The following ZNF316 variants were observed in gnomAD, a reference collection of about 807,000 sequenced individuals.
ZNF316 encodes the protein zinc finger protein 316.
A neutral mutation model predicts 75.6 loss-of-function variants in ZNF316; 23 were observed. The observed-to-expected ratio is 0.30, with a 90% CI of 0.22 to 0.43. The LOEUF (loss-of-function observed/expected upper bound fraction) is 0.43. Ranked by LOEUF, ZNF316 falls within the 20% of genes least tolerant of loss-of-function variation. ZNF316 has a pLI of 1.00. For missense variants in ZNF316, 1,266 were observed against 1,409.4 expected (o/e 0.90, Z 1.63); for synonymous variants, 827 against 666.2 (o/e 1.24, Z -3.72).
At position 6,654,454 on chromosome 7, in the gene ZNF316, C is replaced by T. The variant is rs1432158365; in HGVS notation, c.2858C>T (p.Ala953Val). 14 of 1,198,346 alleles carry T rather than the reference C, an allele frequency of 1.2e-5. No homozygotes were observed. The highest frequency in any genetic ancestry group is 3.3e-4 in the Middle Eastern group (1 of 3,020). 74.2% of individuals were successfully genotyped at this position (1,198,346 alleles called of 1,614,324 possible). ...APGSGSAPAP[A>V]PKPEAAAKGP... ...GGCTCGGGTTCGGCCCCAGCCCCCG[C>T]GCCCAAGCCCGAGGCGGCCGCCAAG... is the stretch of plus-strand genomic sequence containing the variant. Residue 953 changes from alanine to valine, a missense_variant, in exon 9 of 9, where the codon GCG becomes GTG. Coordinates refer to ENST00000382252, the MANE Select transcript of ZNF316 (RefSeq NM_001278559.2).
chr7:6,654,626 A>G lies in ZNF316; in HGVS notation c.*15A>G. 8.5e-7 allele frequency: 1 copy of G among 1,183,384 alleles called. No homozygotes were observed. The highest frequency in any genetic ancestry group is 4.2e-5 in the South Asian group (1 of 23,906). 73.3% of individuals were successfully genotyped at this position (1,183,384 alleles called of 1,614,324 possible). On this transcript the variant is annotated 3_prime_UTR_variant, in exon 9 of 9. Transcript: ENST00000382252. Reference sequence around the variant, plus strand: ...GCGTCCTGTGAGGGGCCCGGGGCCGACAGCAGCGCAGCCTGCAGGGCCACC... The same window carrying G: ...GCGTCCTGTGAGGGGCCCGGGGCCGGCAGCAGCGCAGCCTGCAGGGCCACC...
chr7:6,650,330 G>C (rs979364885), intron 8 of ZNF316, among the ~76,000 whole-genome samples: 9 of 152,236 alleles, frequency 5.9e-5, no homozygotes, highest in African/African-American at 1.9e-4. Context: ...GTGGCAGTTC[G>C]AGGTAGACTC....
In ZNF316 at chr7:6,642,620, G is replaced by T; in HGVS notation, c.211G>T (p.Ala71Ser). 8.1e-7 allele frequency: 1 copy of T among 1,231,770 alleles called. No individual in the cohort carries two copies. The highest frequency in any genetic ancestry group is 4.2e-5 in the Admixed American group (1 of 23,788). 76.3% of individuals were successfully genotyped at this position (1,231,770 alleles called of 1,614,324 possible). Residue 71 changes from alanine (A) to serine (S), a missense_variant, in exon 5 of 9, where the codon GCG becomes TCG. This residue lies in a region of ZNF316 where 961 missense variants were observed against 990.9 expected (regional missense o/e 0.97). Transcript: ENST00000382252. This position sits in a 1 kb window ranked among gnomAD's most constrained non-coding sequence, Gnocchi z 8.1. ...AEVVQDAQVEAVAEVEVEADV... is the reference protein window; with the variant it reads ...AEVVQDAQVESVAEVEVEADV... The stretch of plus-strand genomic sequence containing the variant: ...GGTAGTGCAGGATGCGCAGGTGGAG[G>T]CGGTGGCCGAGGTGGAGGTGGAGGC...
rs1779233362 is a variant in ZNF316, at chr7:6,637,403, CG to C, written c.-473del. On this transcript the variant is annotated 5_prime_UTR_variant, in exon 1 of 9. Coordinates refer to ENST00000382252, the MANE Select transcript of ZNF316 (RefSeq NM_001278559.2). The surrounding 1 kb of genome is among the most constrained non-coding windows in gnomAD (Gnocchi z 6.2). Reference sequence around the variant, plus strand: ...GGGTCCGCCGCCGGCCCGCAGGCCCCGGCCCCGGTGTCCGGCCCGTGGCTCG... The same window carrying C: ...GGGTCCGCCGCCGGCCCGCAGGCCCCGCCCCGGTGTCCGGCCCGTGGCTCG... The C allele has an allele frequency of 6.8e-6, 1 of 147,100 alleles. No homozygotes were observed. The highest frequency in any genetic ancestry group is 1.5e-5 in the Non-Finnish European group (1 of 66,250). 9.1% of individuals were successfully genotyped at this position (147,100 alleles called of 1,614,324 possible).
At chr7:6,651,432 A>T (rs1482651474) in intron 8 of ZNF316, among the ~76,000 whole-genome samples, 1 of 152,204 alleles carries the variant, frequency 6.6e-6, no homozygotes, top group African/African-American at 2.4e-5. Flanking sequence ...AGGTGGGCAG[A>T]TCACCTGAGG....
Position 6,653,261 on chromosome 7 carries a change from G to A in ZNF316, c.1665G>A (p.Glu555=), listed in dbSNP as rs1779547625. 3 of 1,227,708 alleles carry A rather than the reference G, an allele frequency of 2.4e-6. No homozygotes were observed. Among genetic ancestry groups the A allele is most frequent in the Non-Finnish European group, 3.0e-6 (3 of 985,868 alleles). 76.1% of individuals were successfully genotyped at this position (1,227,708 alleles called of 1,614,324 possible). ...GAGAGGCGGAGGCCGCGGCCGAGGA[G>A]AGAGAGGAGGCGGCGGTGGCGGCGC... is the stretch of plus-strand genomic sequence containing the variant. ...ADGEAEAAAE[E]REEAAVAAPT... is the part of the protein sequence containing the mutation. The change falls in exon 9 of 9, where the codon GAG becomes GAA. Residue 555 remains glutamate, a synonymous_variant. Coordinates refer to ENST00000382252, the MANE Select transcript of ZNF316 (RefSeq NM_001278559.2).
chr7:6,644,579 C>T lies in ZNF316; in HGVS notation c.692C>T (p.Thr231Ile). 8.1e-7 allele frequency: 1 copy of T among 1,232,062 alleles called. No individual in the cohort carries two copies. The highest frequency in any genetic ancestry group is 1.0e-6 in the Non-Finnish European group (1 of 987,704). The allele number at this position is 1,232,062 out of a possible 1,614,324, so 76.3% of individuals were successfully genotyped here. ...SPRPEEGDIVTGVYTGAWFWT... is the reference protein window; with the variant it reads ...SPRPEEGDIVIGVYTGAWFWT... Reference sequence around the variant, plus strand: ...CGACCTGAGGAAGGAGACATCGTCACTGGCGTCTACACAGGTGAGCGTGGA... The same window carrying T: ...CGACCTGAGGAAGGAGACATCGTCATTGGCGTCTACACAGGTGAGCGTGGA... Residue 231 changes from threonine to isoleucine, a missense_variant, in exon 8 of 9, where the codon ACT (threonine) becomes ATT (isoleucine). Physicochemically the swap from Thr to Ile is moderately conservative, Grantham distance 89. Around this residue, in one of 3 missense-constraint regions of ZNF316, gnomAD observed 961 missense variants for 990.9 expected, o/e 0.97. Coordinates refer to ENST00000382252, the MANE Select transcript of ZNF316 (RefSeq NM_001278559.2).
chr7:6,653,451 C>T lies in ZNF316; in HGVS notation c.1855C>T (p.Pro619Ser). The T allele has an allele frequency of 3.3e-6, 4 of 1,227,844 alleles. No individual in the cohort carries two copies. Among genetic ancestry groups the T allele is most frequent in the Non-Finnish European group, 4.1e-6 (4 of 985,764 alleles). The allele number at this position is 1,227,844 out of a possible 1,614,324, so 76.1% of individuals were successfully genotyped here. ...GGACAGCTTCCCGATCCTGGGCCTA[C>T]CCGACTTCCGAGAGCGGCTGCCGGT... ...HPDSFPILGL[P>S]DFRERLPVDG... The change falls in exon 9 of 9, where the codon CCC becomes TCC. Residue 619 changes from proline to serine, a missense_variant. Pro to Ser is a moderately conservative substitution (Grantham distance 74, BLOSUM62 -1). Around this residue, in one of 3 missense-constraint regions of ZNF316, gnomAD observed 961 missense variants for 990.9 expected, o/e 0.97. Transcript: ENST00000382252.
intron 8 of ZNF316, among the ~76,000 whole-genome samples, chr7:6,647,925 T>G (rs1779437224): frequency 1.3e-5 from 2 of 152,196 alleles, no homozygotes; most frequent in Non-Finnish European, 2.9e-5. Flanking sequence ...GTGTCCTACA[T>G]AGGGCCCCCA....
chr7:6,655,729 A>G lies in ZNF316; in HGVS notation c.*1118A>G, dbSNP rs1482968619. The G allele has an allele frequency of 6.6e-6, 1 of 152,038 alleles. No individual in the cohort carries two copies. Among genetic ancestry groups the G allele is most frequent in the Non-Finnish European group, 1.5e-5 (1 of 68,032 alleles). The allele number at this position is 152,038 out of a possible 1,614,324, so 9.4% of individuals were successfully genotyped here. On this transcript the variant is annotated 3_prime_UTR_variant, in exon 9 of 9. Coordinates refer to ENST00000382252, the MANE Select transcript of ZNF316 (RefSeq NM_001278559.2). ...TTTCTGTTTAGAGTCCCATTTCACAAATTGGTTAGTGGAGGCACCCGTGGC... is the reference window on the plus strand; with the variant it reads ...TTTCTGTTTAGAGTCCCATTTCACAGATTGGTTAGTGGAGGCACCCGTGGC...
Position 6,640,275 on chromosome 7 carries a change from T to C in ZNF316, c.-167+1134T>C, listed in dbSNP as rs1355131936. The stretch of plus-strand genomic sequence containing the variant: ...TAAAGAAATACCTGAGACTGGGTCA[T>C]TTATAAAGAAGAGGTGAGACTGGCG... On this transcript the variant is annotated intron_variant, in intron 3 of 8. Transcript: ENST00000382252. The surrounding 1 kb of genome is among the most constrained non-coding windows in gnomAD (Gnocchi z 5.1). 6.6e-6 allele frequency among the ~76,000 whole-genome samples: 1 copy of C among 152,142 alleles called. No individual in the cohort carries two copies. The highest frequency in any genetic ancestry group is 1.5e-5 in the Non-Finnish European group (1 of 68,038).
Position 6,652,647 on chromosome 7 carries a change from G to C in ZNF316, c.1051G>C (p.Gly351Arg). ...GCCGGAGACCACGTGCGACGTGTGCGGCAAGGTCTTCCCGCACCGCTCGCG... is the reference window on the plus strand; with the variant it reads ...GCCGGAGACCACGTGCGACGTGTGCCGCAAGGTCTTCCCGCACCGCTCGCG... Reference protein sequence around the residue: ...GRPETTCDVCGKVFPHRSRLA... With the variant: ...GRPETTCDVCRKVFPHRSRLA... Residue 351 changes from glycine (G) to arginine (R), a missense_variant, in exon 9 of 9, where the codon GGC becomes CGC. Coordinates refer to ENST00000382252, the MANE Select transcript of ZNF316 (RefSeq NM_001278559.2). The C allele has an allele frequency of 8.1e-7, 1 of 1,231,002 alleles. No individual in the cohort carries two copies. The allele number at this position is 1,231,002 out of a possible 1,614,324, so 76.3% of individuals were successfully genotyped here.
intron 8 of ZNF316, among the ~76,000 whole-genome samples, chr7:6,649,775 C>G (rs1277411863): frequency 1.3e-5 from 2 of 152,180 alleles, no homozygotes; most frequent in African/African-American, 4.8e-5. Flanking sequence ...GTGGCCCACC[C>G]TTGTCCCAGT....
rs1462626505 is a variant in ZNF316, at chr7:6,644,170, GCTGT to G, written c.592+229_592+232del. 2.1e-4 allele frequency among the ~76,000 whole-genome samples: 32 copies of G among 152,318 alleles called. No individual in the cohort carries two copies. In the East Asian group the frequency reaches 4.4e-3, roughly 21 times the overall value. ...TGAGCCAGGTGACACATCTGTGGAG[GCTGT>G]CTGTCTCTGGTGTCTGCTGCATGGC... On this transcript the variant is annotated intron_variant, in intron 7 of 8. Transcript: ENST00000382252.
In ZNF316 at chr7:6,654,693, C is replaced by T. The variant is rs1323928234; in HGVS notation, c.*82C>T. On this transcript the variant is annotated 3_prime_UTR_variant, in exon 9 of 9. Coordinates refer to ENST00000382252, the MANE Select transcript of ZNF316 (RefSeq NM_001278559.2). Reference sequence around the variant, plus strand: ...GGCCGGCCCCCCGCTCCTCGGGCCCCGGGAGGCTGAGGGTCCCAGTCCTGG... The same window carrying T: ...GGCCGGCCCCCCGCTCCTCGGGCCCTGGGAGGCTGAGGGTCCCAGTCCTGG... 5 of 1,105,236 alleles carry T rather than the reference C, an allele frequency of 4.5e-6. No homozygotes were observed. The East Asian group carries it at 1.4e-4, about 31-fold the overall frequency. The allele number at this position is 1,105,236 out of a possible 1,614,324, so 68.5% of individuals were successfully genotyped here.
intron 8 of ZNF316, 128 bp downstream of exon 8, chr7:6,644,721 C>T (rs1198245047): frequency 6.8e-6 from 3 of 440,052 alleles, no homozygotes; most frequent in Non-Finnish European, 1.1e-5. Flanking sequence ...GCCTTTGCCG[C>T]CTGGCTCCTG....
Position 6,640,394 on chromosome 7 carries a change from G to C in ZNF316, c.-167+1253G>C, listed in dbSNP as rs977256432. Among the ~76,000 whole-genome samples, 3 of 152,120 alleles carry C rather than the reference G, an allele frequency of 2.0e-5. No individual in the cohort carries two copies. Among genetic ancestry groups the C allele is most frequent in the Non-Finnish European group, 2.9e-5 (2 of 68,018 alleles). On this transcript the variant is annotated intron_variant, in intron 3 of 8. Coordinates refer to ENST00000382252, the MANE Select transcript of ZNF316 (RefSeq NM_001278559.2). This position sits in a 1 kb window ranked among gnomAD's most constrained non-coding sequence, Gnocchi z 5.1. ...GCCTTTAATCATGGTGGACGGTGAG[G>C]GGGAGTAGGTATGTCACATGGCGAA...
intron 8 of ZNF316, among the ~76,000 whole-genome samples, chr7:6,651,306 G>A (rs919310224): frequency 8.0e-5 from 12 of 150,306 alleles, no homozygotes; most frequent in Admixed American, 2.0e-4. Flanking sequence ...GCCGAGATTC[G>A]GCCATTGCAC....
In ZNF316 at chr7:6,640,547, C is replaced by T. The variant is rs901357310; in HGVS notation, c.-166-1278C>T. Among the ~76,000 whole-genome samples, 1 of 152,236 alleles carries T rather than the reference C, an allele frequency of 6.6e-6. No individual in the cohort carries two copies. The highest frequency in any genetic ancestry group is 1.5e-5 in the Non-Finnish European group (1 of 68,040). On this transcript the variant is annotated intron_variant, in intron 3 of 8. Transcript: ENST00000382252. The surrounding 1 kb of genome is among the most constrained non-coding windows in gnomAD (Gnocchi z 5.1). ...CCAAGATTCAGGAGGGACCCACCCC[C>T]ATGATCCAGTCACCTCCCACCAGGC...
Sources: gnomAD v4.1 joint callset for allele counts (sites outside exome capture counted in the v4.1 genomes callset) on GRCh38, gnomAD v4.1.1 for gene constraint, gnomAD v4.1.1 regional missense constraint, Gnocchi (gnomAD v3.1) non-coding constraint, MANE v1.5 for transcripts, NCBI Gene and HGNC (gene_info 2026-07-23, HGNC 2026-07-21) for gene names.